NLGN1: variants seen among roughly 807,000 people sequenced by gnomAD.
NLGN1 encodes neuroligin 1.
A neutral mutation model predicts 65.5 loss-of-function variants in NLGN1; 12 were observed. The ratio of observed to expected loss-of-function variants is 0.18; its 90% CI spans 0.12 to 0.30. The LOEUF is 0.30. Among genes scored for constraint, NLGN1 ranks in the 10% least tolerant of loss-of-function variants. The pLI, the probability that NLGN1 is intolerant of heterozygous loss-of-function variation, is 1.00. For missense variants in NLGN1, 750 were observed against 1,007.1 expected, an observed-to-expected ratio of 0.74 and a Z score of 3.46; for synonymous variants, 350 against 359.5, an observed-to-expected ratio of 0.97 and a Z score of 0.30.
chr3:173,457,375 A>G (rs994626201), intron 2 of NLGN1, among the ~76,000 whole-genome samples: 2 of 152,066 alleles, frequency 1.3e-5, no homozygotes, highest in Non-Finnish European at 2.9e-5. Flanking sequence ...AGGGGGTGAT[A>G]TTCAAAGAGG....
At chr3:174,168,348 A>G (rs555121897) in intron 4 of NLGN1, among the ~76,000 whole-genome samples, 1 of 152,020 alleles carries the variant, frequency 6.6e-6, no homozygotes, top group Non-Finnish European at 1.5e-5. Flanking sequence ...TGGCACTTCT[A>G]ATTTTTGTAA....
intron 4 of NLGN1, among the ~76,000 whole-genome samples, chr3:174,149,751 C>T (rs1723984230): frequency 1.3e-5 from 2 of 151,904 alleles, no homozygotes; most frequent in South Asian, 4.1e-4. Context: ...AATAATAACA[C>T]AGTAGAGACT....
chr3:173,826,221 ACTGTC>A (rs1721308842), intron 4 of NLGN1, among the ~76,000 whole-genome samples: 1 of 152,162 alleles, frequency 6.6e-6, no homozygotes, highest in Non-Finnish European at 1.5e-5. Context: ...CTCTTGATCA[ACTGTC>A]CTCCATGTGA....
intron 4 of NLGN1, among the ~76,000 whole-genome samples, chr3:174,215,994 A>G (rs1416882224): frequency 6.6e-6 from 1 of 152,100 alleles, no homozygotes. Context: ...TAACATTCAG[A>G]GGAGGAAAAT....
At chr3:173,933,138 C>A (rs1744410515) in intron 4 of NLGN1, among the ~76,000 whole-genome samples, 1 of 151,942 alleles carries the variant, frequency 6.6e-6, no homozygotes, top group South Asian at 2.1e-4. Flanking sequence ...TTTTGAGAGT[C>A]ATTAAGTAAT....
intron 4 of NLGN1, among the ~76,000 whole-genome samples, chr3:174,054,222 G>T (rs1735535974): frequency 6.6e-6 from 1 of 152,010 alleles, no homozygotes; most frequent in Admixed American, 6.6e-5. Context: ...CTAGCTTGGA[G>T]CTCTGAGTAA....
At chr3:174,009,822 G>A (rs1448735638) in intron 4 of NLGN1, among the ~76,000 whole-genome samples, 1 of 152,124 alleles carries the variant, frequency 6.6e-6, no homozygotes, top group African/African-American at 2.4e-5. Context: ...TTCCTTGAGA[G>A]GACAATGGCT....
At chr3:173,535,554 A>C (rs150324978) in intron 2 of NLGN1, among the ~76,000 whole-genome samples, 1 of 152,318 alleles carries the variant, frequency 6.6e-6, no homozygotes, top group African/African-American at 2.4e-5. Context: ...AATATGTAAA[A>C]AAGAGGAAAA....
chr3:173,540,617 A>G (rs1393996223), intron 2 of NLGN1, among the ~76,000 whole-genome samples: 1 of 152,126 alleles, frequency 6.6e-6, no homozygotes, highest in Non-Finnish European at 1.5e-5. Context: ...AATCTTAAGC[A>G]GGGCCAGGAA....
chr3:173,693,167 G>A (rs1201249298), intron 3 of NLGN1, among the ~76,000 whole-genome samples: 1 of 152,058 alleles, frequency 6.6e-6, no homozygotes, highest in African/African-American at 2.4e-5. Flanking sequence ...TCTCAAAGCA[G>A]AATAAGATAA....
At position 173,888,957 on chromosome 3, in the gene NLGN1, G is replaced by A. The variant is rs188917036; in HGVS notation, c.646+81125G>A. Among the ~76,000 whole-genome samples, 185 of 152,208 alleles carry A rather than the reference G, an allele frequency of 1.2e-3. 1 individual carries two copies. Among genetic ancestry groups the A allele is most frequent in the African/African-American group, 4.4e-3 (181 of 41,548 alleles). ...TTAGGTGTTGATCACTTTGGCTGGA[G>A]ATTTTCTGTTATTAGAGTAGAATAC... On this transcript the variant is annotated intron_variant, in intron 4 of 6. Coordinates refer to ENST00000457714, the Ensembl canonical transcript of NLGN1.
At chr3:174,084,228 A>G (rs1742821352) in intron 4 of NLGN1, among the ~76,000 whole-genome samples, 2 of 152,164 alleles carry the variant, frequency 1.3e-5, no homozygotes, top group South Asian at 4.1e-4. Context: ...TCTAAATCAC[A>G]ATTTTTTAAA....
chr3:174,087,799 T>C (rs78431517), intron 4 of NLGN1, among the ~76,000 whole-genome samples: 3,283 of 152,344 alleles, frequency 0.022, 52 homozygotes, highest in Non-Finnish European at 0.028. Flanking sequence ...TTTGAATAAT[T>C]AATTATGAAT....
intron 3 of NLGN1, among the ~76,000 whole-genome samples, chr3:173,782,408 A>C (rs1007569306): frequency 1.3e-5 from 2 of 152,232 alleles, no homozygotes; most frequent in Non-Finnish European, 2.9e-5. Context: ...AAAACTATAG[A>C]AATGTTATAA....
At chr3:173,771,265 G>T (rs943015669) in intron 3 of NLGN1, among the ~76,000 whole-genome samples, 1 of 152,150 alleles carries the variant, frequency 6.6e-6, no homozygotes, top group African/African-American at 2.4e-5. Context: ...CACAATTTTT[G>T]TGCATAGTAG....
Position 174,102,672 on chromosome 3 carries a change from G to C in NLGN1, c.647-172643G>C, listed in dbSNP as rs529532563. Among the ~76,000 whole-genome samples the C allele has an allele frequency of 6.1e-4, 93 of 152,272 alleles. No individual in the cohort carries two copies. In the South Asian group the frequency reaches 0.01, roughly 17 times the overall value. ...GCTCTCCAATTGCAGGTGCTACCTG[G>C]CTGTTGACTGGTTGATTGGATGGCC... On this transcript the variant is annotated intron_variant, in intron 4 of 6. Transcript: ENST00000457714.
At chr3:174,264,702 C>T (rs1024841119) in intron 4 of NLGN1, among the ~76,000 whole-genome samples, 2 of 151,930 alleles carry the variant, frequency 1.3e-5, no homozygotes, top group Non-Finnish European at 1.5e-5. Context: ...CATTCTCCGT[C>T]CAGCTTTGTT....
At chr3:174,179,519 C>T (rs535332972) in intron 4 of NLGN1, among the ~76,000 whole-genome samples, 5 of 151,858 alleles carry the variant, frequency 3.3e-5, no homozygotes, top group East Asian at 3.9e-4. Context: ...GAGATCACAC[C>T]GCCTTAATAT....
intron 3 of NLGN1, among the ~76,000 whole-genome samples, chr3:173,658,130 A>T (rs1230370857): frequency 6.6e-6 from 1 of 152,002 alleles, no homozygotes; most frequent in African/African-American, 2.4e-5. Context: ...TTATTAGTAG[A>T]TGCTGTGGCT....
Sources: allele counts gnomAD v4.1 joint callset (sites outside exome capture counted in the v4.1 genomes callset), GRCh38; gene constraint gnomAD v4.1.1; transcripts MANE v1.5; gene names NCBI Gene and HGNC (gene_info 2026-07-23, HGNC 2026-07-21).